Variants in HERC3 observed in about 807,000 individuals in gnomAD.
HERC3 encodes probable E3 ubiquitin-protein ligase HERC3.
A neutral mutation model predicts 129.9 loss-of-function variants in HERC3; 58 were observed. That is an observed-to-expected ratio of 0.45 (90% CI 0.36 to 0.56). HERC3 has a LOEUF of 0.56. Among genes scored for constraint, HERC3 ranks in the 20% least tolerant of loss-of-function variants. The pLI, the probability that HERC3 is intolerant of heterozygous loss-of-function variation, is 0.00. For missense variants in HERC3, 835 were observed against 1,244.2 expected (o/e 0.67, Z 4.95); for synonymous variants, 430 against 451.0 (o/e 0.95, Z 0.59).
chr4:88,638,562 A>G (rs1727698967), intron 3 of HERC3, among the ~76,000 whole-genome samples: 1 of 152,224 alleles, frequency 6.6e-6, no homozygotes, highest in African/African-American at 2.4e-5. Flanking sequence ...AAAGACTCTC[A>G]ATAAACTAGG....
Position 88,637,380 on chromosome 4 carries a change from C to T in HERC3, c.227-12460C>T, listed in dbSNP as rs573715033. On this transcript the variant is annotated intron_variant, in intron 3 of 25. Coordinates refer to ENST00000402738, the MANE Select transcript of HERC3 (RefSeq NM_014606.3). ...GGCAGAGCTTGCAGTGAGCCGAGAT[C>T]GCGCCACTGCACTCCAGCCTGGGCC... 2.9e-4 allele frequency among the ~76,000 whole-genome samples: 44 copies of T among 150,984 alleles called. No homozygotes were observed. In the Middle Eastern group the frequency reaches 0.01, roughly 35 times the overall value.
intron 23 of HERC3, chr4:88,697,650 T>G: frequency 6.2e-7 from 1 of 1,613,482 alleles, no homozygotes; most frequent in Non-Finnish European, 8.5e-7. Context: ...TGTCACAGTC[T>G]CCACCCTGCG....
chr4:88,554,768 T>C, the HERC3 span, among the ~76,000 whole-genome samples: 3 of 152,144 alleles, frequency 2.0e-5, no homozygotes, highest in Non-Finnish European at 4.4e-5. Context: ...GAGTCAGAAT[T>C]ATGGTGATTG....
intron 3 of HERC3, among the ~76,000 whole-genome samples, chr4:88,646,041 A>C (rs1728655105): frequency 6.6e-6 from 1 of 152,216 alleles, no homozygotes; most frequent in African/African-American, 2.4e-5. Flanking sequence ...AAGACAATAT[A>C]GCTTAGTTAA....
At chr4:88,564,207 A>G in the HERC3 span, among the ~76,000 whole-genome samples, 2 of 152,132 alleles carry the variant, frequency 1.3e-5, no homozygotes, top group East Asian at 1.9e-4. Context: ...TTTGTTGAGT[A>G]TTTTTACATC....
intron 16 of HERC3, among the ~76,000 whole-genome samples, chr4:88,673,329 G>A (rs559858110): frequency 2.6e-5 from 4 of 152,252 alleles, no homozygotes; most frequent in Admixed American, 6.5e-5. Context: ...GCAGGTGTGC[G>A]TGTAGTGCCT....
chr4:88,693,381 C>T, intron 23 of HERC3: 1 of 965,734 alleles, frequency 1.0e-6, no homozygotes, highest in Non-Finnish European at 1.2e-6. Flanking sequence ...ATTATACTCC[C>T]TTATATGTCA....
At chr4:88,653,980 G>A in intron 6 of HERC3, 62 bp from the exon 7 acceptor site, 3 of 1,201,926 alleles carry the variant, frequency 2.5e-6, no homozygotes, top group Non-Finnish European at 2.5e-6. Context: ...TGCCAAGATA[G>A]TTGTGTATAT....
At chr4:88,652,826 C>G in intron 5 of HERC3, 43 bp from the exon 6 acceptor site, 13 of 1,560,928 alleles carry the variant, frequency 8.3e-6, no homozygotes, top group African/African-American at 1.4e-5. Context: ...GTGTGTGGAG[C>G]TTGTATCATT....
the HERC3 span, among the ~76,000 whole-genome samples, chr4:88,533,469 T>C: frequency 6.6e-6 from 1 of 152,182 alleles, no homozygotes; most frequent in Non-Finnish European, 1.5e-5. Flanking sequence ...ATTGAAGGGA[T>C]AAAAGGAGGC....
At chr4:88,670,051 G>C in intron 15 of HERC3, 28 bp downstream of exon 15, 2 of 1,609,510 alleles carry the variant, frequency 1.2e-6, no homozygotes, top group Non-Finnish European at 1.7e-6. Context: ...TAGTGGGGAG[G>C]GGGTGATTAG....
chr4:88,529,578 A>AC, the HERC3 span, among the ~76,000 whole-genome samples: 1 of 151,822 alleles, frequency 6.6e-6, no homozygotes, highest in Non-Finnish European at 1.5e-5. Flanking sequence ...AGATGGTGAA[A>AC]CCCCGTCTCT....
chr4:88,587,886 A>G, upstream of HERC3, among the ~76,000 whole-genome samples: 1 of 152,258 alleles, frequency 6.6e-6, no homozygotes, highest in East Asian at 1.9e-4. Flanking sequence ...CAGTCCAGTC[A>G]TAGTGAAATG....
At position 88,609,243 on chromosome 4, in the gene HERC3, A is replaced by G. The variant is rs540648219; in HGVS notation, c.226+3194A>G. 2.6e-4 allele frequency among the ~76,000 whole-genome samples: 40 copies of G among 152,182 alleles called. No individual in the cohort carries two copies. The East Asian group carries it at 7.0e-3, about 26-fold the overall frequency. ...AACTGTGGTGAGCTGTGATTGCATC[A>G]TTGCACTCCAGCCTGGGCAACAGAG... On this transcript the variant is annotated intron_variant, in intron 3 of 25. Coordinates refer to ENST00000402738, the MANE Select transcript of HERC3 (RefSeq NM_014606.3).
In HERC3 at chr4:88,678,021, C is replaced by T; in HGVS notation, c.2083C>T (p.Leu695=). 2 of 1,613,958 alleles carry T rather than the reference C, an allele frequency of 1.2e-6. No homozygotes were observed. Among genetic ancestry groups the T allele is most frequent in the Non-Finnish European group, 1.7e-6 (2 of 1,180,010 alleles). The change falls in exon 19 of 26, where the codon CTG becomes TTG. Residue 695 remains leucine, a synonymous_variant. Transcript: ENST00000402738. ...CTTCATGCTTCTCACCCTGGAGCCTCTGCTGGCCAGAAGCCCCTTCCTGGT... is the reference window on the plus strand; with the variant it reads ...CTTCATGCTTCTCACCCTGGAGCCTTTGCTGGCCAGAAGCCCCTTCCTGGT... ...NVFMLLTLEP[L]LARSPFLVLH...
the HERC3 span, among the ~76,000 whole-genome samples, chr4:88,536,392 C>G: frequency 2.6e-5 from 4 of 152,196 alleles, no homozygotes; most frequent in Non-Finnish European, 4.4e-5. Context: ...CCTTCCTTCT[C>G]CCTGCTTCCT....
intron 21 of HERC3, among the ~76,000 whole-genome samples, chr4:88,682,078 A>G (rs1256888591): frequency 1.3e-5 from 2 of 152,214 alleles, no homozygotes; most frequent in Non-Finnish European, 2.9e-5. Flanking sequence ...TGGATATGCC[A>G]CATTTTATTT....
At chr4:88,647,531 G>A (rs1728823676) in intron 3 of HERC3, among the ~76,000 whole-genome samples, 1 of 152,118 alleles carries the variant, frequency 6.6e-6, no homozygotes, top group Admixed American at 6.6e-5. Flanking sequence ...ATTTTTGCAA[G>A]GTAAAGATAG....
intron 20 of HERC3, 32 bp downstream of exon 20, chr4:88,680,268 G>A: frequency 1.3e-6 from 2 of 1,522,940 alleles, no homozygotes; most frequent in Non-Finnish European, 1.8e-6. Context: ...TAAACAGATG[G>A]ATTAAATTAA....
Sources: gnomAD v4.1 joint callset for allele counts (sites outside exome capture counted in the v4.1 genomes callset) on GRCh38, gnomAD v4.1.1 for gene constraint, MANE v1.5 for transcripts, NCBI Gene and HGNC (gene_info 2026-07-23, HGNC 2026-07-21) for gene names.